Variants in SEMA5A observed in about 807,000 individuals in gnomAD.
SEMA5A encodes semaphorin 5A, also known as semaphorin-5A.
Under a neutral mutation model 135.5 loss-of-function variants are expected in SEMA5A, and 55 were observed. The ratio of observed to expected loss-of-function variants is 0.41; its 90% CI spans 0.33 to 0.51. SEMA5A has a LOEUF of 0.51. Ranked by LOEUF, SEMA5A falls within the 20% of genes least tolerant of loss-of-function variation. The pLI, the probability that SEMA5A is intolerant of heterozygous loss-of-function variation, is 0.37. For synonymous variants in SEMA5A, 580 were observed against 546.5 expected (o/e 1.06, Z -0.85); for missense variants, 1,290 against 1,419.9 (o/e 0.91, Z 1.47).
At chr5:9,156,034 G>A (rs181989575) in intron 11 of SEMA5A, among the ~76,000 whole-genome samples, 1 of 152,068 alleles carries the variant, frequency 6.6e-6, no homozygotes, top group Non-Finnish European at 1.5e-5. Context: ...TGCTATATGC[G>A]GGGAAGATTT....
Position 9,062,959 on chromosome 5 carries a change from G to T in SEMA5A, c.2446C>A (p.Pro816Thr), listed in dbSNP as rs758494163. ...AGGCAAGGCATTCCCCCATACTTGG[G>T]TTCGGGGTTGTTGCAAACACGCTTC... ...NRKRVCNNPE[P>T]KYGGMPCLGP... The change falls in exon 18 of 23, where the codon CCC becomes ACC. Residue 816 changes from proline to threonine, a missense_variant. Physicochemically the swap from Pro to Thr is conservative, Grantham distance 38. This residue lies in a region of SEMA5A where 1,029 missense variants were observed against 1,086.6 expected (regional missense o/e 0.95). Transcript: ENST00000382496. The T allele has an allele frequency of 1.8e-5, 29 of 1,614,104 alleles. No homozygotes were observed. Among genetic ancestry groups the T allele is most frequent in the Non-Finnish European group, 2.4e-5 (28 of 1,180,046 alleles).
intron 2 of SEMA5A, among the ~76,000 whole-genome samples, chr5:9,401,931 C>A (rs902329890): frequency 6.6e-6 from 1 of 152,152 alleles, no homozygotes; most frequent in African/African-American, 2.4e-5. Context: ...TTGTACCAGT[C>A]GAATAAGGCC....
At position 9,379,846 on chromosome 5, in the gene SEMA5A, T is replaced by G. The variant is rs1460422802; in HGVS notation, c.101A>C (p.Glu34Ala). Reference protein sequence around the residue: ...AQGTTQCQRTEHPVISYKEIG... With the variant: ...AQGTTQCQRTAHPVISYKEIG... The stretch of plus-strand genomic sequence containing the variant: ...ACCTTTATAGGAGATGACTGGATGC[T>G]CGGTTCTCTGGCACTGAGTCGTACC... The change falls in exon 3 of 23, where the codon GAG becomes GCG. Residue 34 changes from glutamate to alanine, a missense_variant. Transcript: ENST00000382496. 6.2e-7 allele frequency: 1 copy of G among 1,613,886 alleles called. No homozygotes were observed. Among genetic ancestry groups the G allele is most frequent in the Non-Finnish European group, 8.5e-7 (1 of 1,179,974 alleles).
chr5:9,212,779 T>C (rs1746408688), intron 8 of SEMA5A, among the ~76,000 whole-genome samples: 1 of 152,184 alleles, frequency 6.6e-6, no homozygotes, highest in African/African-American at 2.4e-5. Flanking sequence ...AGACACTGAG[T>C]AAGATGCTGA....
chr5:9,099,913 ACT>A (rs1423404540), intron 16 of SEMA5A, among the ~76,000 whole-genome samples: 3 of 151,982 alleles, frequency 2.0e-5, no homozygotes, highest in Admixed American at 6.6e-5. Flanking sequence ...CACTCTCGAC[ACT>A]CTGTGTGCAG....
At chr5:9,160,183 T>C (rs753319176) in intron 11 of SEMA5A, among the ~76,000 whole-genome samples, 10 of 152,150 alleles carry the variant, frequency 6.6e-5, no homozygotes, top group Non-Finnish European at 1.5e-4. Context: ...TTGTTGTTGT[T>C]AAGAAGAAAT....
intron 13 of SEMA5A, among the ~76,000 whole-genome samples, chr5:9,135,338 G>A (rs1229249668): frequency 1.3e-5 from 2 of 151,778 alleles, no homozygotes; most frequent in Non-Finnish European, 2.9e-5. Context: ...CCGCCACCAC[G>A]CCTGGCTAAT....
intron 5 of SEMA5A, among the ~76,000 whole-genome samples, chr5:9,298,726 T>C (rs564432397): frequency 3.3e-5 from 5 of 152,340 alleles, no homozygotes; most frequent in African/African-American, 9.6e-5. Context: ...ATGGAAAATA[T>C]CTGTAGATTA....
intron 5 of SEMA5A, among the ~76,000 whole-genome samples, chr5:9,252,906 G>T (rs1748875607): frequency 6.6e-6 from 1 of 152,126 alleles, no homozygotes; most frequent in African/African-American, 2.4e-5. Flanking sequence ...TCACCCTTTT[G>T]CATGGGCTAG....
intron 2 of SEMA5A, among the ~76,000 whole-genome samples, chr5:9,382,816 AC>A (rs1297702362): frequency 1.3e-5 from 2 of 152,244 alleles, no homozygotes; most frequent in African/African-American, 4.8e-5. Context: ...GAAGCCAAGT[AC>A]AGAGTCACCA....
intron 11 of SEMA5A, among the ~76,000 whole-genome samples, chr5:9,180,328 A>C (rs1744434139): frequency 6.6e-6 from 1 of 152,188 alleles, no homozygotes; most frequent in Non-Finnish European, 1.5e-5. Context: ...GGTTGCTGCA[A>C]TTATTCCCTC....
intron 6 of SEMA5A, among the ~76,000 whole-genome samples, chr5:9,235,048 CA>C (rs1047274056): frequency 4.1e-4 from 62 of 152,138 alleles, no homozygotes; most frequent in African/African-American, 1.4e-3. Flanking sequence ...TTTTTCACCC[CA>C]AGTAGAAATA....
In SEMA5A at chr5:9,344,998, C is replaced by T. The variant is rs192302645; in HGVS notation, c.125-7186G>A. On this transcript the variant is annotated intron_variant, in intron 3 of 22. Transcript: ENST00000382496. ...GGTTCCTTTGCTGGTCTATTTTCTT[C>T]CCCATCACAGCACTAGTAGAATATC... Among the ~76,000 whole-genome samples, 7 of 152,186 alleles carry T rather than the reference C, an allele frequency of 4.6e-5. No individual in the cohort carries two copies. In the East Asian group the frequency reaches 1.4e-3, roughly 30 times the overall value.
chr5:9,187,461 A>T (rs990132590), intron 11 of SEMA5A, among the ~76,000 whole-genome samples: 1 of 152,140 alleles, frequency 6.6e-6, no homozygotes, highest in Non-Finnish European at 1.5e-5. Context: ...GGGTCACTGC[A>T]TATGGTTTGG....
intron 12 of SEMA5A, among the ~76,000 whole-genome samples, chr5:9,145,899 C>A (rs1742309511): frequency 6.6e-6 from 1 of 151,782 alleles, no homozygotes; most frequent in Non-Finnish European, 1.5e-5. Flanking sequence ...CCCTCCTTGG[C>A]CTCCCAAAGT....
chr5:9,299,889 A>T (rs539553293), intron 5 of SEMA5A, among the ~76,000 whole-genome samples: 1 of 152,176 alleles, frequency 6.6e-6, no homozygotes, highest in Admixed American at 6.5e-5. Flanking sequence ...GTAACAGAAG[A>T]GTTTTAAGGC....
Position 9,373,517 on chromosome 5 carries a change from C to G in SEMA5A, c.124+6306G>C, listed in dbSNP as rs73052659. On this transcript the variant is annotated intron_variant, in intron 3 of 22. Coordinates refer to ENST00000382496, the MANE Select transcript of SEMA5A (RefSeq NM_003966.3). ...CCACTGGAGCTAAATGTTGCAAATC[C>G]TCTATCACGAGTCCATGCAGCTCTT... Among the ~76,000 whole-genome samples, 1,346 of 152,256 alleles carry G rather than the reference C, an allele frequency of 8.8e-3. 27 individuals carry two copies. The highest frequency in any genetic ancestry group is 0.031 in the African/African-American group (1,278 of 41,530).
At chr5:9,170,928 A>T (rs563828295) in intron 11 of SEMA5A, among the ~76,000 whole-genome samples, 1 of 151,612 alleles carries the variant, frequency 6.6e-6, no homozygotes, top group South Asian at 2.1e-4. Context: ...TGAAGCCTAC[A>T]CTCTCCTCCT....
intron 5 of SEMA5A, among the ~76,000 whole-genome samples, chr5:9,245,946 C>T (rs750119673): frequency 2.6e-5 from 4 of 152,000 alleles, no homozygotes; most frequent in African/African-American, 4.8e-5. Context: ...CTCCTGAACA[C>T]GAATGAACCC....
Sources: gnomAD v4.1 joint callset for allele counts (sites outside exome capture counted in the v4.1 genomes callset) on GRCh38, gnomAD v4.1.1 for gene constraint, gnomAD v4.1.1 regional missense constraint, MANE v1.5 for transcripts, NCBI Gene and HGNC (gene_info 2026-07-23, HGNC 2026-07-21) for gene names.